Variants in LRP1B observed in about 807,000 individuals in gnomAD.
LRP1B encodes low-density lipoprotein receptor-related protein 1B.
LRP1B carries 217 observed loss-of-function variants against 556.6 expected under a neutral mutation model. That is an observed-to-expected ratio of 0.39 (90% CI 0.35 to 0.44). The LOEUF (loss-of-function observed/expected upper bound fraction) is 0.44, where lower values mean the gene tolerates loss of function less well. LRP1B is among the 20% of genes least tolerant of loss of function. The probability of loss-of-function intolerance (pLI) is 1.00; values close to 1 mark genes in which losing one functional copy is unlikely to be tolerated. For synonymous variants in LRP1B, 2,047 were observed against 1,865.8 expected, an observed-to-expected ratio of 1.10 and a Z score of -2.50; for missense variants, 5,053 against 5,620.8, an observed-to-expected ratio of 0.90 and a Z score of 3.23.
intron 77 of LRP1B, among the ~76,000 whole-genome samples, chr2:140,342,878 G>C (rs561494291): frequency 6.6e-6 from 1 of 151,678 alleles, no homozygotes; most frequent in East Asian, 1.9e-4. Context: ...CTGGATAAAA[G>C]ACTTTCCTAA....
chr2:141,251,704 A>G (rs1327266657), intron 4 of LRP1B, among the ~76,000 whole-genome samples: 1 of 152,156 alleles, frequency 6.6e-6, no homozygotes, highest in East Asian at 1.9e-4. Flanking sequence ...AATGACAGCA[A>G]AACAAGCATG....
At chr2:140,415,008 G>A (rs1225234828) in intron 66 of LRP1B, among the ~76,000 whole-genome samples, 1 of 152,116 alleles carries the variant, frequency 6.6e-6, no homozygotes, top group East Asian at 1.9e-4. Flanking sequence ...ATTCCTTGGG[G>A]GAAGTCTATA....
chr2:141,665,011 T>A (rs1287040498), intron 2 of LRP1B, among the ~76,000 whole-genome samples: 1 of 152,076 alleles, frequency 6.6e-6, no homozygotes, highest in Non-Finnish European at 1.5e-5. Flanking sequence ...AACAGACATA[T>A]AAGCCAATGG....
intron 3 of LRP1B, among the ~76,000 whole-genome samples, chr2:141,401,198 TA>T (rs748165445): frequency 6.6e-5 from 10 of 152,212 alleles, no homozygotes; most frequent in Non-Finnish European, 1.5e-4. Context: ...GAGATGCTTT[TA>T]GATACTACTT....
intron 1 of LRP1B, among the ~76,000 whole-genome samples, chr2:141,885,384 A>T (rs1003292119): frequency 2.6e-5 from 4 of 152,294 alleles, no homozygotes; most frequent in African/African-American, 9.6e-5. Context: ...TGGGGATAAG[A>T]GTACGTACAT....
At chr2:141,406,702 AT>A (rs1209068485) in intron 3 of LRP1B, among the ~76,000 whole-genome samples, 5 of 152,072 alleles carry the variant, frequency 3.3e-5, no homozygotes, top group Non-Finnish European at 7.4e-5. Flanking sequence ...GGCATGTTGT[AT>A]TAAATTATTT....
intron 67 of LRP1B, among the ~76,000 whole-genome samples, chr2:140,381,230 A>T (rs1251651506): frequency 6.6e-6 from 1 of 152,142 alleles, no homozygotes; most frequent in East Asian, 1.9e-4. Context: ...TCTTATTTGG[A>T]TAAAATAAAA....
At chr2:140,497,459 G>T (rs1233070203) in intron 55 of LRP1B, among the ~76,000 whole-genome samples, 1 of 151,596 alleles carries the variant, frequency 6.6e-6, no homozygotes, top group Non-Finnish European at 1.5e-5. Context: ...ATAAAAAAAT[G>T]GTTAAAATGA....
rs2105003284 is a variant in LRP1B at position 140,536,602 on chromosome 2, C to G, written c.7621G>C (p.Asp2541His). ...DGIPHCKDKS[D>H]EKLLYCENRS... ...TTACCACAGTAGAGCAGTTTTTCAT[C>G]TGATTTATCTTTACAGTGAGGAATG... is the stretch of plus-strand genomic sequence containing the variant. The change falls in exon 46 of 91, where the codon GAT becomes CAT. Residue 2541 changes from aspartate (D) to histidine (H), a missense_variant. By Grantham distance (81) the Asp-to-His change is moderately conservative. This residue lies in a region of LRP1B where 3,619 missense variants were observed against 3,931.9 expected (regional missense o/e 0.92). Transcript: ENST00000389484. The G allele has an allele frequency of 6.2e-7, 1 of 1,609,272 alleles. No individual in the cohort carries two copies.
intron 77 of LRP1B, among the ~76,000 whole-genome samples, chr2:140,340,157 G>A (rs1429084021): frequency 1.3e-5 from 2 of 151,028 alleles, no homozygotes; most frequent in East Asian, 3.9e-4. Context: ...AGAAAGACTG[G>A]CTCTCTAAAG....
At chr2:142,100,728 G>A (rs893075004) in intron 1 of LRP1B, among the ~76,000 whole-genome samples, 1 of 151,956 alleles carries the variant, frequency 6.6e-6, no homozygotes. Context: ...TTTCAAACCA[G>A]TGAAGAAATC....
intron 2 of LRP1B, among the ~76,000 whole-genome samples, chr2:141,559,103 A>C (rs903692185): frequency 6.6e-6 from 1 of 151,680 alleles, no homozygotes; most frequent in African/African-American, 2.4e-5. Context: ...TTGATGCATC[A>C]TAATTAAATA....
At chr2:141,321,442 C>A (rs886160809) in intron 3 of LRP1B, among the ~76,000 whole-genome samples, 2 of 152,068 alleles carry the variant, frequency 1.3e-5, no homozygotes, top group African/African-American at 4.8e-5. Flanking sequence ...TTTCCAGCAG[C>A]TCTGTTTAGG....
At chr2:141,533,443 T>TC (rs1684961041) in intron 2 of LRP1B, among the ~76,000 whole-genome samples, 1 of 152,168 alleles carries the variant, frequency 6.6e-6, no homozygotes, top group Non-Finnish European at 1.5e-5. Flanking sequence ...GGAAGCAATC[T>TC]CCATTTGGCA....
In LRP1B at chr2:140,233,166, C is replaced by T. The variant is rs1313804391; in HGVS notation, c.*20G>A. 1 of 1,505,348 alleles carries T rather than the reference C, an allele frequency of 6.6e-7. No homozygotes were observed. The highest frequency in any genetic ancestry group is 1.2e-5 in the South Asian group (1 of 86,060). The allele number at this position is 1,505,348 out of a possible 1,614,324, so 93.2% of individuals were successfully genotyped here. A position where few individuals can be genotyped will look rare whatever the true frequency, so the allele number is the denominator to read the frequency against. On this transcript the variant is annotated 3_prime_UTR_variant, in exon 91 of 91. Coordinates refer to ENST00000389484, the MANE Select transcript of LRP1B (RefSeq NM_018557.3). Reference sequence around the variant, plus strand: ...CCTTATATTTTATACATTTATACAGCATATAAAAGATATCACTGATTATGC... The same window carrying T: ...CCTTATATTTTATACATTTATACAGTATATAAAAGATATCACTGATTATGC...
rs548803090 is a variant in LRP1B, at chr2:140,950,406, G to A, written c.2969-4C>T. 1.3e-5 allele frequency: 20 copies of A among 1,588,976 alleles called. No individual in the cohort carries two copies. Among genetic ancestry groups the A allele is most frequent in the Admixed American group, 7.4e-5 (4 of 53,724 alleles). On this transcript the variant is annotated splice_polypyrimidine_tract_variant and splice_region_variant and intron_variant, in intron 19 of 90. Transcript: ENST00000389484. ...CTCCCGTCCCCACAGTCGTCATCTG[G>A]AAAGAAACATCAACATGAGGCAGTG...
At chr2:141,335,492 T>C (rs1687815630) in intron 3 of LRP1B, among the ~76,000 whole-genome samples, 1 of 152,194 alleles carries the variant, frequency 6.6e-6, no homozygotes. Context: ...CCATCAAAGA[T>C]ATTTGGAATT....
rs528080585 is a variant in LRP1B, at chr2:140,403,973, C to G, written c.10415-17964G>C. On this transcript the variant is annotated intron_variant, in intron 66 of 90. Coordinates refer to ENST00000389484, the MANE Select transcript of LRP1B (RefSeq NM_018557.3). The stretch of plus-strand genomic sequence containing the variant: ...GAGATTTGGGACCTATCTTTAGCCT[C>G]TTTAAACAGAATAACTGTCAGCCAA... Among the ~76,000 whole-genome samples the G allele has an allele frequency of 3.0e-3, 453 of 152,156 alleles. 4 individuals carry two copies. Among genetic ancestry groups the G allele is most frequent in the African/African-American group, 0.011 (442 of 41,528 alleles).
intron 1 of LRP1B, among the ~76,000 whole-genome samples, chr2:141,902,830 C>G (rs1699658649): frequency 6.6e-6 from 1 of 151,898 alleles, no homozygotes; most frequent in African/African-American, 2.4e-5. Flanking sequence ...TAAAACTCTG[C>G]AGTAACTATA....
Sources: gnomAD v4.1 joint callset for allele counts (sites outside exome capture counted in the v4.1 genomes callset) on GRCh38, gnomAD v4.1.1 for gene constraint, gnomAD v4.1.1 regional missense constraint, MANE v1.5 for transcripts, NCBI Gene and HGNC (gene_info 2026-07-23, HGNC 2026-07-21) for gene names.